The following CDK5RAP2 variants were observed in gnomAD, a reference collection of about 807,000 sequenced individuals.
The protein encoded by CDK5RAP2 is CDK5 regulatory subunit-associated protein 2.
CDK5RAP2 carries 147 observed loss-of-function variants against 232.9 expected under a neutral mutation model. The ratio of observed to expected loss-of-function variants is 0.63; its 90% CI spans 0.55 to 0.72. The LOEUF (loss-of-function observed/expected upper bound fraction) is 0.72, where lower values mean the gene tolerates loss of function less well. Among genes scored for constraint, CDK5RAP2 ranks in the 30% least tolerant of loss-of-function variants. The pLI is 0.00. For synonymous variants in CDK5RAP2, 833 were observed against 833.7 expected (o/e 1.00, Z 0.01); for missense variants, 2,195 against 2,231.5 (o/e 0.98, Z 0.33).
At chr9:120,424,032 G>A (rs1488647474) in intron 25 of CDK5RAP2, among the ~76,000 whole-genome samples, 1 of 152,208 alleles carries the variant, frequency 6.6e-6, no homozygotes, top group Non-Finnish European at 1.5e-5. Flanking sequence ...ACACAGGCCT[G>A]AGTGACCAGG....
intron 17 of CDK5RAP2, 65 bp from the exon 18 acceptor site, chr9:120,468,062 A>G: frequency 6.6e-7 from 1 of 1,521,030 alleles, no homozygotes; most frequent in East Asian, 2.3e-5. Context: ...CCAGGGCCGC[A>G]GCCCCAGACA....
In CDK5RAP2 at chr9:120,477,791, AT is replaced by A. The variant is rs1189225532; in HGVS notation, c.1627-342del. Among the ~76,000 whole-genome samples, 5 of 152,360 alleles carry A rather than the reference AT, an allele frequency of 3.3e-5. No homozygotes were observed. The South Asian group carries it at 1.0e-3, about 32-fold the overall frequency. ...TCGTTTTTAAAACACTACAAAAAAAATATCTTTCCATATTCACTGTTGCTCC... is the reference window on the plus strand; with the variant it reads ...TCGTTTTTAAAACACTACAAAAAAAAATCTTTCCATATTCACTGTTGCTCC... On this transcript the variant is annotated intron_variant, in intron 14 of 37. Transcript: ENST00000349780.
In CDK5RAP2 at chr9:120,439,949, C is replaced by T; in HGVS notation, c.3172G>A (p.Asp1058Asn). ...TTGCATGATGGCAAGCTGGCAAGGTCATCAGGTGGGCAAATCTCAGAGTCT... is the reference window on the plus strand; with the variant it reads ...TTGCATGATGGCAAGCTGGCAAGGTTATCAGGTGGGCAAATCTCAGAGTCT... ...EIDSEICPPD[D>N]LASLPSCKEN... The change falls in exon 24 of 38, where the codon GAC becomes AAC. Residue 1058 changes from aspartate to asparagine, a missense_variant. Physicochemically the swap from Asp to Asn is conservative, Grantham distance 23. Transcript: ENST00000349780. 2 of 1,614,008 alleles carry T rather than the reference C, an allele frequency of 1.2e-6. No individual in the cohort carries two copies. The highest frequency in any genetic ancestry group is 1.7e-6 in the Non-Finnish European group (2 of 1,180,006).
intron 25 of CDK5RAP2, among the ~76,000 whole-genome samples, chr9:120,431,228 A>G (rs2035267710): frequency 6.6e-6 from 1 of 152,166 alleles, no homozygotes; most frequent in Non-Finnish European, 1.5e-5. Flanking sequence ...TAACCTGCAC[A>G]TTGCGCACAT....
chr9:120,397,101 T>G (rs1316272965), intron 35 of CDK5RAP2, among the ~76,000 whole-genome samples: 1 of 152,270 alleles, frequency 6.6e-6, no homozygotes, highest in African/African-American at 2.4e-5. Context: ...GCTGCAGTGC[T>G]GAAGCCACTC....
At chr9:120,558,468 A>G (rs1564376926) in intron 3 of CDK5RAP2, among the ~76,000 whole-genome samples, 3 of 149,098 alleles carry the variant, frequency 2.0e-5, no homozygotes, top group Non-Finnish European at 3.0e-5. Flanking sequence ...GGTATACATC[A>G]CTCCCTGGTT....
intron 13 of CDK5RAP2, among the ~76,000 whole-genome samples, chr9:120,487,843 T>C (rs914561048): frequency 6.6e-6 from 1 of 152,322 alleles, no homozygotes; most frequent in African/African-American, 2.4e-5. Context: ...ATTACAAGAC[T>C]TGCACATCAA....
intron 25 of CDK5RAP2, among the ~76,000 whole-genome samples, chr9:120,431,538 C>T (rs2035287566): frequency 6.6e-6 from 1 of 152,226 alleles, no homozygotes; most frequent in Admixed American, 6.5e-5. Flanking sequence ...TTCTCACTTC[C>T]TCATTGTTTC....
intron 25 of CDK5RAP2, among the ~76,000 whole-genome samples, chr9:120,423,972 G>T (rs1474828237): frequency 1.3e-5 from 2 of 152,188 alleles, no homozygotes; most frequent in Non-Finnish European, 2.9e-5. Flanking sequence ...ATGCTAAGTG[G>T]TAGAAAGTCA....
intron 4 of CDK5RAP2, among the ~76,000 whole-genome samples, chr9:120,548,660 A>T (rs528816417): frequency 3.7e-4 from 56 of 152,242 alleles, no homozygotes; most frequent in African/African-American, 1.3e-3. Context: ...GCAAAAATTT[A>T]AAAATGCCAG....
chr9:120,527,023 C>G (rs2040930186), intron 10 of CDK5RAP2, among the ~76,000 whole-genome samples: 1 of 152,094 alleles, frequency 6.6e-6, no homozygotes, highest in African/African-American at 2.4e-5. Flanking sequence ...CTCTGCCTCC[C>G]CAGCTCCCTA....
At chr9:120,392,711 T>C (rs953911487) in intron 36 of CDK5RAP2, among the ~76,000 whole-genome samples, 4 of 152,192 alleles carry the variant, frequency 2.6e-5, no homozygotes, top group African/African-American at 4.8e-5. Context: ...CCCTCAGTGC[T>C]CTTTTTCTCT....
At chr9:120,520,966 TATC>T (rs1001948348) in intron 11 of CDK5RAP2, among the ~76,000 whole-genome samples, 5 of 152,126 alleles carry the variant, frequency 3.3e-5, no homozygotes, top group African/African-American at 4.8e-5. Context: ...GTATCTCATG[TATC>T]ATATGAGATA....
At chr9:120,389,917 C>T (rs942409763) in intron 36 of CDK5RAP2, 130 bp from the exon 37 acceptor site, 7 of 796,480 alleles carry the variant, frequency 8.8e-6, no homozygotes, top group African/African-American at 5.1e-5. Flanking sequence ...AGGTCTGAAG[C>T]ATCCAGACCA....
chr9:120,405,390 C>T (rs1173632236), intron 32 of CDK5RAP2, among the ~76,000 whole-genome samples: 5 of 152,184 alleles, frequency 3.3e-5, no homozygotes, highest in Admixed American at 1.3e-4. Context: ...GGGCTGCTTT[C>T]GGCAAATTTC....
At chr9:120,474,001 A>C (rs2037865039) in intron 15 of CDK5RAP2, among the ~76,000 whole-genome samples, 2 of 152,198 alleles carry the variant, frequency 1.3e-5, no homozygotes, top group Non-Finnish European at 2.9e-5. Flanking sequence ...GAACTGGGGC[A>C]GGGCAGACAG....
chr9:120,451,538 G>C (rs1255037109), intron 21 of CDK5RAP2, among the ~76,000 whole-genome samples: 1 of 152,132 alleles, frequency 6.6e-6, no homozygotes, highest in Non-Finnish European at 1.5e-5. Context: ...CCTATTAAAA[G>C]AGGTAAGCCA....
At chr9:120,432,058 A>T (rs1436453707) in intron 25 of CDK5RAP2, among the ~76,000 whole-genome samples, 1 of 152,236 alleles carries the variant, frequency 6.6e-6, no homozygotes, top group Non-Finnish European at 1.5e-5. Context: ...TACTTCTTGG[A>T]GCCTACCAAC....
intron 1 of CDK5RAP2, among the ~76,000 whole-genome samples, chr9:120,573,009 C>T (rs2042908454): frequency 1.3e-5 from 2 of 152,192 alleles, no homozygotes; most frequent in African/African-American, 4.8e-5. Flanking sequence ...GGTCCAGAAG[C>T]CAGGTCTTTT....
Sources: allele counts gnomAD v4.1 joint callset (sites outside exome capture counted in the v4.1 genomes callset), GRCh38; gene constraint gnomAD v4.1.1; transcripts MANE v1.5; gene names NCBI Gene and HGNC (gene_info 2026-07-23, HGNC 2026-07-21).